SGCZ: variants seen among roughly 807,000 people sequenced by gnomAD.
The protein encoded by SGCZ is zeta-sarcoglycan.
A neutral mutation model predicts 41.3 loss-of-function variants in SGCZ; 40 were observed. The observed-to-expected ratio is 0.97, with a 90% confidence interval of 0.75 to 1.26. SGCZ has a LOEUF of 1.26. Ranked by LOEUF, SGCZ falls within the 50% of genes most tolerant of loss-of-function variation. The pLI is 0.00. For synonymous variants in SGCZ, 206 were observed against 137.5 expected (o/e 1.50, Z -3.49); for missense variants, 552 against 369.8 (o/e 1.49, Z -4.04).
chr8:14,143,897 A>T (rs2116931461), intron 5 of SGCZ, among the ~76,000 whole-genome samples: 1 of 152,302 alleles, frequency 6.6e-6, no homozygotes, highest in East Asian at 1.9e-4. Flanking sequence ...TTAGAGCAGA[A>T]GGTAAAACTG....
At chr8:14,262,819 G>GGA (rs1563220382) in intron 3 of SGCZ, among the ~76,000 whole-genome samples, 1 of 120,620 alleles carries the variant, frequency 8.3e-6, no homozygotes. Context: ...AATACTTCAA[G>GGA]AAAAAAAAAA....
intron 1 of SGCZ, among the ~76,000 whole-genome samples, chr8:14,646,109 A>G (rs528063108): frequency 6.6e-6 from 1 of 151,832 alleles, no homozygotes; most frequent in Non-Finnish European, 1.5e-5. Context: ...GGTCAGTCAC[A>G]TGGTTATACC....
At chr8:14,989,174 G>A (rs1043335021) in intron 1 of SGCZ, among the ~76,000 whole-genome samples, 1 of 152,002 alleles carries the variant, frequency 6.6e-6, no homozygotes, top group African/African-American at 2.4e-5. Context: ...ACTTTTGAGT[G>A]GTAACTTGAA....
At chr8:14,552,249 A>G (rs544773728) in intron 2 of SGCZ, among the ~76,000 whole-genome samples, 1 of 152,192 alleles carries the variant, frequency 6.6e-6, no homozygotes, top group African/African-American at 2.4e-5. Context: ...TATATACAAC[A>G]TAATCTCTAG....
At chr8:14,657,263 C>G (rs1351046298) in intron 1 of SGCZ, among the ~76,000 whole-genome samples, 2 of 151,968 alleles carry the variant, frequency 1.3e-5, no homozygotes, top group African/African-American at 4.8e-5. Flanking sequence ...CCCTCATGAA[C>G]AGGAAGGCAA....
intron 1 of SGCZ, among the ~76,000 whole-genome samples, chr8:14,931,038 C>A (rs184464404): frequency 6.6e-6 from 1 of 151,986 alleles, no homozygotes; most frequent in Non-Finnish European, 1.5e-5. Context: ...TGTTTGAATA[C>A]ATTATTTTGC....
intron 1 of SGCZ, among the ~76,000 whole-genome samples, chr8:14,583,997 C>T (rs1275868637): frequency 6.6e-6 from 1 of 151,766 alleles, no homozygotes; most frequent in African/African-American, 2.4e-5. Flanking sequence ...TGTTTTGTTT[C>T]ATTTTGTTTT....
chr8:14,621,386 T>C (rs1806280165), intron 1 of SGCZ, among the ~76,000 whole-genome samples: 1 of 151,548 alleles, frequency 6.6e-6, no homozygotes, highest in African/African-American at 2.4e-5. Context: ...TGTATACATA[T>C]GTAACAAACC....
intron 1 of SGCZ, among the ~76,000 whole-genome samples, chr8:14,960,851 G>A (rs1190654166): frequency 1.3e-5 from 2 of 151,790 alleles, no homozygotes; most frequent in Non-Finnish European, 2.9e-5. Context: ...TGTGAAGACA[G>A]AATCATGTGG....
intron 1 of SGCZ, among the ~76,000 whole-genome samples, chr8:14,933,130 T>C (rs1354991613): frequency 6.6e-6 from 1 of 151,920 alleles, no homozygotes; most frequent in African/African-American, 2.4e-5. Flanking sequence ...GGTAACATAG[T>C]GTTTGGCTCA....
chr8:14,359,347 C>T (rs1803419889), intron 2 of SGCZ, among the ~76,000 whole-genome samples: 1 of 152,160 alleles, frequency 6.6e-6, no homozygotes, highest in African/African-American at 2.4e-5. Flanking sequence ...CAAAGAAATA[C>T]TGTACTTAAT....
At chr8:14,167,651 G>A (rs1804249131) in intron 4 of SGCZ, among the ~76,000 whole-genome samples, 2 of 152,110 alleles carry the variant, frequency 1.3e-5, no homozygotes, top group Admixed American at 1.3e-4. Flanking sequence ...TGGAGTATTA[G>A]ATATATGTGC....
intron 1 of SGCZ, among the ~76,000 whole-genome samples, chr8:15,063,202 A>T (rs1391988404): frequency 6.6e-6 from 1 of 152,166 alleles, no homozygotes; most frequent in Non-Finnish European, 1.5e-5. Flanking sequence ...TTTCTAATTG[A>T]AAAACAGAGT....
chr8:14,226,243 G>A (rs1806369075), intron 4 of SGCZ, among the ~76,000 whole-genome samples: 1 of 152,098 alleles, frequency 6.6e-6, no homozygotes, highest in Middle Eastern at 3.4e-3. Flanking sequence ...AACTTAAAAA[G>A]TATTTCAAGT....
At chr8:14,335,687 T>C (rs1305724675) in intron 2 of SGCZ, among the ~76,000 whole-genome samples, 2 of 152,106 alleles carry the variant, frequency 1.3e-5, no homozygotes, top group Admixed American at 1.3e-4. Context: ...TCATCCTTTG[T>C]ATAGAAATTC....
At chr8:14,295,846 C>T (rs1037329545) in intron 3 of SGCZ, among the ~76,000 whole-genome samples, 2 of 152,098 alleles carry the variant, frequency 1.3e-5, no homozygotes, top group Non-Finnish European at 2.9e-5. Flanking sequence ...TAGGGTACTG[C>T]ACAGGAGGGA....
chr8:14,190,536 A>G (rs1347456923), intron 4 of SGCZ, among the ~76,000 whole-genome samples: 1 of 152,096 alleles, frequency 6.6e-6, no homozygotes, highest in African/African-American at 2.4e-5. Context: ...TGAGGTGGAG[A>G]ATTAATTTCC....
intron 5 of SGCZ, among the ~76,000 whole-genome samples, chr8:14,126,920 C>T (rs553595058): frequency 4.6e-5 from 7 of 151,938 alleles, no homozygotes; most frequent in Admixed American, 1.3e-4. Context: ...TATATGGGAG[C>T]TGAACAATGA....
chr8:14,494,701 G>C (rs1016531357), intron 2 of SGCZ, among the ~76,000 whole-genome samples: 3 of 152,154 alleles, frequency 2.0e-5, no homozygotes, highest in Admixed American at 1.3e-4. Flanking sequence ...GTTGCTGAAA[G>C]ATAGAAGATC....
Sources: gnomAD v4.1 joint callset for allele counts (sites outside exome capture counted in the v4.1 genomes callset) on GRCh38, gnomAD v4.1.1 for gene constraint, MANE v1.5 for transcripts, NCBI Gene and HGNC (gene_info 2026-07-23, HGNC 2026-07-21) for gene names.